The following MYMK variants were observed in gnomAD, a reference collection of about 807,000 sequenced individuals.
MYMK encodes myomaker, myoblast fusion factor.
MYMK carries 16 observed loss-of-function variants against 22.4 expected under a neutral mutation model. That is an observed-to-expected ratio of 0.72 (90% CI 0.48 to 1.09). The LOEUF (loss-of-function observed/expected upper bound fraction) is 1.09, where lower values mean the gene tolerates loss of function less well. Among genes scored for constraint, MYMK ranks in the 50% least tolerant of loss-of-function variants. The pLI, the probability that MYMK is intolerant of heterozygous loss-of-function variation, is 0.00. For synonymous variants in MYMK, 125 were observed against 127.0 expected (o/e 0.98, Z 0.11); for missense variants, 250 against 295.6 (o/e 0.85, Z 1.13).
In MYMK at chr9:133,520,186, C is replaced by A; in HGVS notation, c.238G>T (p.Val80Phe). Reference protein sequence around the residue: ...SVYGTALSMWVSLMALADFDE... With the variant: ...SVYGTALSMWFSLMALADFDE... ...GTTGACCACTCACCCATCAGCGAGA[C>A]CCACATGCTCAGGGCTGTCCCGTAG... Residue 80 changes from valine to phenylalanine, a missense_variant, in exon 2 of 5, where the codon GTC becomes TTC. Coordinates refer to ENST00000339996, the MANE Select transcript of MYMK (RefSeq NM_001080483.3). 1 of 1,613,874 alleles carries A rather than the reference C, an allele frequency of 6.2e-7. No individual in the cohort carries two copies. The highest frequency in any genetic ancestry group is 8.5e-7 in the Non-Finnish European group (1 of 1,179,832).
chr9:133,515,726 G>T lies in MYMK; in HGVS notation c.400-119C>A. On this transcript the variant is annotated intron_variant, in intron 3 of 4. Coordinates refer to ENST00000339996, the MANE Select transcript of MYMK (RefSeq NM_001080483.3). The surrounding 1 kb of genome is among the most constrained non-coding windows in gnomAD (Gnocchi z 5.8). ...TCACCCCAGCCCTCTCCCGGCAGGA[G>T]AGGAGGCTCAGGAGCCTCCTGCCGC... 1 of 674,300 alleles carries T rather than the reference G, an allele frequency of 1.5e-6. No homozygotes were observed. The highest frequency in any genetic ancestry group is 2.6e-6 in the Non-Finnish European group (1 of 384,720). The allele number at this position is 674,300 out of a possible 1,614,324, so 41.8% of individuals were successfully genotyped here.
In MYMK at chr9:133,514,651, G is replaced by T; in HGVS notation, c.651C>A (p.Cys217Ter). The T allele has an allele frequency of 6.2e-7, 1 of 1,613,750 alleles. No homozygotes were observed. Among genetic ancestry groups the T allele is most frequent in the Non-Finnish European group, 8.5e-7 (1 of 1,179,724 alleles). The change falls in exon 5 of 5, where the codon TGC becomes TGA. Residue 217 changes from cysteine (C) to a stop codon, truncating the protein, a stop_gained. Coordinates refer to ENST00000339996, the MANE Select transcript of MYMK (RefSeq NM_001080483.3). LOFTEE classifies it high-confidence loss of function. Reference protein sequence around the residue: ...TPAKLDCSTLCCACV With the variant: ...TPAKLDCSTL ...GGGCGCAGCATCAGACACAAGCACA[G>T]CACAGGGTGGAGCAGTCCAGCTTGG...
At chr9:133,518,544 T>A (rs1039852730) in intron 3 of MYMK, among the ~76,000 whole-genome samples, 4 of 152,234 alleles carry the variant, frequency 2.6e-5, no homozygotes, top group Admixed American at 6.5e-5. Flanking sequence ...GGACTTCAGG[T>A]GCCTGATCTC....
Position 133,514,801 on chromosome 9 carries a change from G to A in MYMK, c.517-16C>T, listed in dbSNP as rs371167893. On this transcript the variant is annotated splice_polypyrimidine_tract_variant and intron_variant, in intron 4 of 4. Transcript: ENST00000339996. Reference sequence around the variant, plus strand: ...AGTCCCAGTCCTGCGGGGGGCAAGCGGTCAGTCTGGGGCCTCAGCCCCCTC... The same window carrying A: ...AGTCCCAGTCCTGCGGGGGGCAAGCAGTCAGTCTGGGGCCTCAGCCCCCTC... 4.7e-5 allele frequency: 75 copies of A among 1,611,098 alleles called. No homozygotes were observed. In the South Asian group the frequency reaches 6.4e-4, roughly 14 times the overall value.
chr9:133,523,035 G>A (rs1325862019), intron 1 of MYMK, among the ~76,000 whole-genome samples: 1 of 152,188 alleles, frequency 6.6e-6, no homozygotes, highest in Non-Finnish European at 1.5e-5. Context: ...CGCTCGAGGT[G>A]GACTCAGAAG....
In MYMK at chr9:133,514,663, G is replaced by C. The variant is rs1034942506; in HGVS notation, c.639C>G (p.Cys213Trp). ...AGACACAAGCACAGCACAGGGTGGA[G>C]CAGTCCAGCTTGGCCGGGGTCCCCG... is the stretch of plus-strand genomic sequence containing the variant. ...GSPGTPAKLDCSTLCCACV is the reference protein window; with the variant it reads ...GSPGTPAKLDWSTLCCACV Residue 213 changes from cysteine to tryptophan, a missense_variant, in exon 5 of 5, where the codon TGC (cysteine) becomes TGG (tryptophan). By Grantham distance (215) the Cys-to-Trp change is radical (BLOSUM62 -2). Transcript: ENST00000339996. 6.2e-7 allele frequency: 1 copy of C among 1,613,776 alleles called. No individual in the cohort carries two copies. The highest frequency in any genetic ancestry group is 8.5e-7 in the Non-Finnish European group (1 of 1,179,806).
At chr9:133,518,736 G>T in intron 3 of MYMK, 138 bp downstream of exon 3, 1 of 1,142,892 alleles carries the variant, frequency 8.7e-7, no homozygotes, top group Non-Finnish European at 1.2e-6. Flanking sequence ...TTTCTACGTG[G>T]TTTTGCTGAA....
chr9:133,515,919 C>T lies in MYMK; in HGVS notation c.400-312G>A, dbSNP rs1378744843. ...ACAACGCCACCCTCGCATGTCTCCT[C>T]CTCCCTGGAGGGGAGCTCTGGGGGG... On this transcript the variant is annotated intron_variant, in intron 3 of 4. Transcript: ENST00000339996. The surrounding 1 kb of genome is among the most constrained non-coding windows in gnomAD (Gnocchi z 5.8). Among the ~76,000 whole-genome samples the T allele has an allele frequency of 2.6e-5, 4 of 152,208 alleles. No individual in the cohort carries two copies. The highest frequency in any genetic ancestry group is 4.4e-5 in the Non-Finnish European group (3 of 68,034).
Position 133,518,924 on chromosome 9 carries a change from C to A in MYMK, c.349G>T (p.Val117Leu). 1.2e-6 allele frequency: 2 copies of A among 1,613,762 alleles called. No individual in the cohort carries two copies. Among genetic ancestry groups the A allele is most frequent in the South Asian group, 1.1e-5 (1 of 91,074 alleles). ...GCTGTGCCGATGGGGCCCGAGTACA[C>A]CCCGTAGCCCCATCGGTCATGGTAG... is the stretch of plus-strand genomic sequence containing the variant. ...RIYHDRWGYGVYSGPIGTAIL... is the reference protein window; with the variant it reads ...RIYHDRWGYGLYSGPIGTAIL... Residue 117 changes from valine (V) to leucine (L), a missense_variant, in exon 3 of 5, where the codon GTG becomes TTG. Physicochemically the swap from Val to Leu is conservative, Grantham distance 32. Transcript: ENST00000339996.
chr9:133,515,542 G>A lies in MYMK; in HGVS notation c.465C>T (p.Gly155=). ...CCAGCGCCCCGAAGCAGAGGCCGGG[G>A]CCTATCTGCTGGGTGTAGACGCTCT... The part of the protein sequence containing the change: ...PDKSVYTQQI[G]PGLCFGALAL... Residue 155 remains glycine, a synonymous_variant, in exon 4 of 5, where the codon GGC becomes GGT. Coordinates refer to ENST00000339996, the MANE Select transcript of MYMK (RefSeq NM_001080483.3). The surrounding 1 kb of genome is among the most constrained non-coding windows in gnomAD (Gnocchi z 5.8). The A allele has an allele frequency of 6.2e-7, 1 of 1,614,032 alleles. No individual in the cohort carries two copies. The highest frequency in any genetic ancestry group is 8.5e-7 in the Non-Finnish European group (1 of 1,179,890).
At chr9:133,519,697 G>A (rs761906494) in intron 2 of MYMK, among the ~76,000 whole-genome samples, 3 of 152,140 alleles carry the variant, frequency 2.0e-5, no homozygotes, top group Non-Finnish European at 4.4e-5. Flanking sequence ...CTCAGGTCAT[G>A]GGGACCTTGC....
In MYMK at chr9:133,518,860, C is replaced by T. The variant is rs73661424; in HGVS notation, c.399+14G>A. The T allele has an allele frequency of 1.8e-4, 284 of 1,605,556 alleles. No homozygotes were observed. The highest frequency in any genetic ancestry group is 9.2e-4 in the African/African-American group (69 of 74,886). ...TCCTGGGTCCCCGTTCATCGAGGCT[C>T]GCGCAGTACGCACCCACTTTGCCGC... On this transcript the variant is annotated intron_variant, in intron 3 of 4. Coordinates refer to ENST00000339996, the MANE Select transcript of MYMK (RefSeq NM_001080483.3).
chr9:133,523,682 G>GGAGA (rs35845164), intron 1 of MYMK, among the ~76,000 whole-genome samples: 10,101 of 121,062 alleles, frequency 0.083, 554 homozygotes, highest in African/African-American at 0.12. Context: ...AGAGATAGAT[G>GGAGA]GAGAGAGAGA....
In MYMK at chr9:133,520,283, G is replaced by T. The variant is rs1195528571; in HGVS notation, c.141C>A (p.His47Gln). 1 of 1,614,056 alleles carries T rather than the reference G, an allele frequency of 6.2e-7. No homozygotes were observed. The highest frequency in any genetic ancestry group is 8.5e-7 in the Non-Finnish European group (1 of 1,179,934). ...YLFTLFFVAL[H>Q]HACNGPGLSV... is the part of the protein sequence containing the mutation. Reference sequence around the variant, plus strand: ...ACAAGCCGGGTCCATTGCAGGCATGGTGGAGCTGCCAGAAAACCCACAGGT... The same window carrying T: ...ACAAGCCGGGTCCATTGCAGGCATGTTGGAGCTGCCAGAAAACCCACAGGT... The change falls in exon 2 of 5, where the codon CAC (histidine) becomes CAA (glutamine). Residue 47 changes from histidine (H) to glutamine (Q), a missense_variant. Physicochemically the swap from His to Gln is conservative, Grantham distance 24. Transcript: ENST00000339996.
intron 3 of MYMK, among the ~76,000 whole-genome samples, chr9:133,517,706 T>TCCCAA (rs1844648725): frequency 6.7e-6 from 1 of 149,738 alleles, no homozygotes; most frequent in Non-Finnish European, 1.5e-5. Context: ...GCCCCGCCAC[T>TCCCAA]GCCCTGCCAT....
Position 133,520,125 on chromosome 9 carries a change from G to A in MYMK, c.250+49C>T, listed in dbSNP as rs534185396. On this transcript the variant is annotated intron_variant, in intron 2 of 4. Transcript: ENST00000339996. The stretch of plus-strand genomic sequence containing the variant: ...TTGAGGCTGGGTGTGCGGACACTGG[G>A]GAGCCGGTCCTTGTCCGCAAGGCTT... 7 of 1,475,536 alleles carry A rather than the reference G, an allele frequency of 4.7e-6. No homozygotes were observed. The South Asian group carries it at 7.9e-5, about 17-fold the overall frequency. 91.4% of individuals were successfully genotyped at this position (1,475,536 alleles called of 1,614,324 possible).
rs542330929 is a variant in MYMK, at chr9:133,515,328, C to T, written c.516+163G>A. ...GTGGTGCTGGGGACGGCATTGCCCC[C>T]GACATAGCCCTGGGAGGGGCTAGTG... On this transcript the variant is annotated intron_variant, in intron 4 of 4. Coordinates refer to ENST00000339996, the MANE Select transcript of MYMK (RefSeq NM_001080483.3). The surrounding 1 kb of genome is among the most constrained non-coding windows in gnomAD (Gnocchi z 5.8). Among the ~76,000 whole-genome samples, 255 of 152,318 alleles carry T rather than the reference C, an allele frequency of 1.7e-3. 1 individual carries two copies. The highest frequency in any genetic ancestry group is 3.1e-3 in the Non-Finnish European group (209 of 68,024).
intron 1 of MYMK, among the ~76,000 whole-genome samples, chr9:133,523,975 G>A (rs1844733611): frequency 1.3e-5 from 2 of 151,998 alleles, no homozygotes; most frequent in Non-Finnish European, 2.9e-5. Flanking sequence ...GGGGAGACAG[G>A]GGTCCCAGAA....
chr9:133,522,068 C>A (rs1173147941), intron 1 of MYMK, among the ~76,000 whole-genome samples: 1 of 152,232 alleles, frequency 6.6e-6, no homozygotes, highest in East Asian at 1.9e-4. Flanking sequence ...GAGCCTCTGC[C>A]ACTAGGCCCT....
Sources: allele counts gnomAD v4.1 joint callset (sites outside exome capture counted in the v4.1 genomes callset), GRCh38; gene constraint gnomAD v4.1.1; non-coding constraint Gnocchi (gnomAD v3.1); transcripts MANE v1.5; gene names NCBI Gene and HGNC (gene_info 2026-07-23, HGNC 2026-07-21).